The following BABAM2 variants were observed in gnomAD, a reference collection of about 807,000 sequenced individuals.
BABAM2 encodes the protein BRISC and BRCA1-A complex member 2.
Under a neutral mutation model 54.7 loss-of-function variants are expected in BABAM2, and 31 were observed. The observed-to-expected ratio is 0.57, with a 90% CI of 0.43 to 0.77. The LOEUF (loss-of-function observed/expected upper bound fraction) is 0.77, where lower values mean the gene tolerates loss of function less well. Among genes scored for constraint, BABAM2 ranks in the 30% least tolerant of loss-of-function variants. BABAM2 has a pLI of 0.00. For synonymous variants in BABAM2, 167 were observed against 162.9 expected (o/e 1.03, Z -0.19); for missense variants, 364 against 455.8 (o/e 0.80, Z 1.83).
At chr2:28,277,319 G>A (rs539986684) in intron 10 of BABAM2, among the ~76,000 whole-genome samples, 140 of 152,134 alleles carry the variant, frequency 9.2e-4, no homozygotes, top group Non-Finnish European at 1.3e-3. Flanking sequence ...TGGCCAGGCT[G>A]GTCTCAAACT....
At chr2:28,015,918 T>C in intron 4 of BABAM2, 2 of 587,702 alleles carry the variant, frequency 3.4e-6, no homozygotes, top group South Asian at 3.2e-5. Flanking sequence ...AGGACTCAGA[T>C]GATAAAGGTT....
At chr2:28,257,923 T>C (rs1372494092) in intron 10 of BABAM2, among the ~76,000 whole-genome samples, 1 of 151,862 alleles carries the variant, frequency 6.6e-6, no homozygotes, top group Non-Finnish European at 1.5e-5. Flanking sequence ...ACGCCTGCAA[T>C]CCCAGCACTT....
intron 2 of BABAM2, among the ~76,000 whole-genome samples, chr2:27,911,412 G>A (rs1271037490): frequency 6.6e-6 from 1 of 152,026 alleles, no homozygotes; most frequent in Non-Finnish European, 1.5e-5. Flanking sequence ...AAAGGAGAAG[G>A]TTAGGGAGGG....
chr2:27,934,442 TG>T (rs1263332937), intron 3 of BABAM2, among the ~76,000 whole-genome samples: 4 of 152,216 alleles, frequency 2.6e-5, no homozygotes, highest in Non-Finnish European at 5.9e-5. Context: ...TCCCTCTTCT[TG>T]GGCCTCCTTA....
chr2:28,270,760 T>A (rs1227887191), intron 10 of BABAM2, among the ~76,000 whole-genome samples: 1 of 152,212 alleles, frequency 6.6e-6, no homozygotes. Flanking sequence ...AACATAAAAG[T>A]CATGATTGCC....
At chr2:28,139,954 A>G (rs1056421602) in intron 7 of BABAM2, among the ~76,000 whole-genome samples, 4 of 151,954 alleles carry the variant, frequency 2.6e-5, no homozygotes, top group South Asian at 4.1e-4. Context: ...TCTTCTGAAA[A>G]CACAAATCTG....
intron 2 of BABAM2, among the ~76,000 whole-genome samples, chr2:27,926,873 A>G (rs557952540): frequency 5.3e-5 from 8 of 152,272 alleles, no homozygotes; most frequent in African/African-American, 1.9e-4. Context: ...TGTTACATAT[A>G]GTGTATAGTA....
chr2:27,948,373 G>A (rs1669455951), intron 3 of BABAM2, among the ~76,000 whole-genome samples: 1 of 151,396 alleles, frequency 6.6e-6, no homozygotes, highest in Non-Finnish European at 1.5e-5. Context: ...AGAAAATTAT[G>A]CCATCTGTGA....
chr2:28,308,620 T>C (rs1018283754), intron 11 of BABAM2: 1 of 359,492 alleles, frequency 2.8e-6, no homozygotes, highest in Non-Finnish European at 5.4e-6. Context: ...TATATGTCTT[T>C]TCACCATTTA....
intron 11 of BABAM2, among the ~76,000 whole-genome samples, chr2:28,318,138 G>A (rs538636750): frequency 2.6e-5 from 4 of 152,274 alleles, no homozygotes; most frequent in South Asian, 4.2e-4. Context: ...TAGTATCTCT[G>A]TTCCTCCCAC....
intron 3 of BABAM2, among the ~76,000 whole-genome samples, chr2:27,949,117 C>T (rs537417358): frequency 6.6e-6 from 1 of 152,302 alleles, no homozygotes; most frequent in African/African-American, 2.4e-5. Flanking sequence ...GCAGCCAAAA[C>T]CTTCAACTTA....
chr2:28,112,224 T>C (rs974700496), intron 6 of BABAM2, among the ~76,000 whole-genome samples: 3 of 126,044 alleles, frequency 2.4e-5, no homozygotes, highest in African/African-American at 2.9e-5. Flanking sequence ...CCTTCCTTCC[T>C]TCCTTTAAGT....
intron 7 of BABAM2, among the ~76,000 whole-genome samples, chr2:28,170,600 A>G (rs1047800577): frequency 7.8e-4 from 119 of 152,152 alleles, no homozygotes; most frequent in African/African-American, 2.8e-3. Context: ...GCTAAAAGCT[A>G]TGCTCCATAT....
chr2:28,174,984 T>A (rs1674762936), intron 7 of BABAM2, among the ~76,000 whole-genome samples: 1 of 152,104 alleles, frequency 6.6e-6, no homozygotes, highest in African/African-American at 2.4e-5. Flanking sequence ...GAGATCTGCC[T>A]CAGGACAAAG....
chr2:28,103,692 G>A (rs956251047), intron 6 of BABAM2, among the ~76,000 whole-genome samples: 4 of 152,274 alleles, frequency 2.6e-5, no homozygotes, highest in African/African-American at 7.2e-5. Flanking sequence ...GAAGAATAGT[G>A]TACTCCTCAC....
In BABAM2 at chr2:28,112,189, CCCTCCCTCCCTT is replaced by C. The variant is rs1558347317; in HGVS notation, c.571-17078_571-17067del. Among the ~76,000 whole-genome samples, 93 of 30,758 alleles carry C rather than the reference CCCTCCCTCCCTT, an allele frequency of 3.0e-3. 2 individuals are homozygous for C. Among genetic ancestry groups the C allele is most frequent in the Non-Finnish European group, 4.1e-3 (72 of 17,698 alleles). The allele number at this position is 30,758 out of a possible 152,430, so 20.2% of individuals were successfully genotyped here. On this transcript the variant is annotated intron_variant, in intron 6 of 11. Coordinates refer to ENST00000379624, the MANE Select transcript of BABAM2 (RefSeq NM_199191.3). ...TCCCTCCCTCCCTCCCTCCCTCCCT[CCCTCCCTCCCTT>C]CCTTCCTTCCTTCCTTCCTTCCTTC...
intron 4 of BABAM2, among the ~76,000 whole-genome samples, chr2:28,000,390 C>T (rs146178310): frequency 6.6e-6 from 1 of 152,010 alleles, no homozygotes; most frequent in East Asian, 1.9e-4. Flanking sequence ...CATGTTTAGG[C>T]TATGGTTATG....
intron 4 of BABAM2, among the ~76,000 whole-genome samples, chr2:28,006,426 T>G (rs1673983389): frequency 6.6e-6 from 1 of 152,082 alleles, no homozygotes; most frequent in Non-Finnish European, 1.5e-5. Context: ...ATTTAGATAA[T>G]TGTATATAAT....
chr2:28,144,229 A>G (rs539527973), intron 7 of BABAM2, among the ~76,000 whole-genome samples: 3 of 152,314 alleles, frequency 2.0e-5, no homozygotes, highest in Admixed American at 2.0e-4. Flanking sequence ...TGTTACTGTC[A>G]TCATCATCAA....
Sources: gnomAD v4.1 joint callset for allele counts (sites outside exome capture counted in the v4.1 genomes callset) on GRCh38, gnomAD v4.1.1 for gene constraint, MANE v1.5 for transcripts, NCBI Gene and HGNC (gene_info 2026-07-23, HGNC 2026-07-21) for gene names.